Variants in ROBO2 observed in about 807,000 individuals in gnomAD.
The protein encoded by ROBO2 is roundabout guidance receptor 2.
Under a neutral mutation model 160.8 loss-of-function variants are expected in ROBO2, and 53 were observed. The observed-to-expected ratio is 0.33, with a 90% CI of 0.26 to 0.41. The LOEUF is 0.41. Ranked by LOEUF, ROBO2 falls within the 10% of genes least tolerant of loss-of-function variation. The probability of loss-of-function intolerance (pLI) is 1.00; values close to 1 mark genes in which losing one functional copy is unlikely to be tolerated. For synonymous variants in ROBO2, 664 were observed against 611.7 expected, an observed-to-expected ratio of 1.09 and a Z score of -1.26; for missense variants, 1,577 against 1,722.4, an observed-to-expected ratio of 0.92 and a Z score of 1.49.
chr3:76,194,553 ATAAAT>A (rs1295081966), intron 2 of ROBO2, among the ~76,000 whole-genome samples: 8 of 151,806 alleles, frequency 5.3e-5, no homozygotes, highest in Non-Finnish European at 5.9e-5. Context: ...AATAAACTCT[ATAAAT>A]TAAGACAAAA....
At chr3:76,358,813 G>A (rs932909786) in intron 2 of ROBO2, among the ~76,000 whole-genome samples, 35 of 151,650 alleles carry the variant, frequency 2.3e-4, no homozygotes, top group African/African-American at 6.1e-4. Flanking sequence ...GGGTACATGT[G>A]CACAATGTGA....
At chr3:77,389,549 C>T (rs2153498210) in intron 2 of ROBO2, among the ~76,000 whole-genome samples, 1 of 152,110 alleles carries the variant, frequency 6.6e-6, no homozygotes, top group African/African-American at 2.4e-5. Flanking sequence ...TGGGTTCAAG[C>T]CAATGTTGTT....
intron 2 of ROBO2, among the ~76,000 whole-genome samples, chr3:77,327,816 G>A (rs551572651): frequency 1.2e-4 from 18 of 152,136 alleles, no homozygotes; most frequent in African/African-American, 4.3e-4. Flanking sequence ...TTGGGAGGCC[G>A]AGGTGGGTCG....
chr3:77,194,259 A>C (rs13100107), intron 2 of ROBO2, among the ~76,000 whole-genome samples: 29,827 of 152,086 alleles, frequency 0.2, 3,372 homozygotes, highest in Middle Eastern at 0.31. Flanking sequence ...TCCACTGAAG[A>C]TCTCTTCTTG....
chr3:77,292,287 G>C (rs1560453282), intron 2 of ROBO2, among the ~76,000 whole-genome samples: 2 of 147,182 alleles, frequency 1.4e-5, no homozygotes, highest in African/African-American at 2.5e-5. Context: ...AGATCACCCA[G>C]ACATAAAGTA....
chr3:77,494,187 G>A (rs2086494185), intron 5 of ROBO2, among the ~76,000 whole-genome samples: 1 of 152,140 alleles, frequency 6.6e-6, no homozygotes, highest in African/African-American at 2.4e-5. Context: ...CTTCCTGCTA[G>A]TTCTACCTGC....
At chr3:76,009,882 T>G (rs2066143871) in intron 2 of ROBO2, among the ~76,000 whole-genome samples, 2 of 152,242 alleles carry the variant, frequency 1.3e-5, no homozygotes, top group African/African-American at 2.4e-5. Flanking sequence ...TTTTTTTCAC[T>G]TGAGTTATTT....
chr3:76,025,609 C>G (rs185727951), intron 2 of ROBO2, among the ~76,000 whole-genome samples: 87 of 151,756 alleles, frequency 5.7e-4, no homozygotes, highest in African/African-American at 2.1e-3. Context: ...CAATAAAACT[C>G]ACTATAGTAA....
intron 2 of ROBO2, among the ~76,000 whole-genome samples, chr3:76,011,094 G>A (rs977942495): frequency 1.3e-5 from 2 of 152,128 alleles, no homozygotes; most frequent in Non-Finnish European, 2.9e-5. Flanking sequence ...TTTTCTGTTA[G>A]CTATAAAATA....
At chr3:77,499,805 C>T (rs12107255) in intron 5 of ROBO2, among the ~76,000 whole-genome samples, 2,692 of 151,912 alleles carry the variant, frequency 0.018, 75 homozygotes, top group African/African-American at 0.059. Context: ...CCCACCACCA[C>T]GCCCAGCTAA....
chr3:76,792,914 C>G (rs905336075), intron 2 of ROBO2, among the ~76,000 whole-genome samples: 1 of 151,638 alleles, frequency 6.6e-6, no homozygotes, highest in Non-Finnish European at 1.5e-5. Flanking sequence ...GAGTTTACAA[C>G]ATATATATTT....
chr3:76,316,124 G>A (rs1169254722), intron 2 of ROBO2, among the ~76,000 whole-genome samples: 2 of 152,144 alleles, frequency 1.3e-5, no homozygotes, highest in African/African-American at 2.4e-5. Flanking sequence ...TCTATGTTCA[G>A]CGGTGCACGT....
chr3:76,756,044 G>A (rs543279401), intron 2 of ROBO2, among the ~76,000 whole-genome samples: 3 of 151,892 alleles, frequency 2.0e-5, no homozygotes, highest in Admixed American at 6.6e-5. Flanking sequence ...CTTTGAGTAT[G>A]TGGCAATTTT....
At chr3:76,316,226 C>T (rs2072011646) in intron 2 of ROBO2, among the ~76,000 whole-genome samples, 2 of 152,086 alleles carry the variant, frequency 1.3e-5, no homozygotes, top group Admixed American at 6.6e-5. Context: ...TTTCCCAATC[C>T]TAGTAAGCCT....
intron 2 of ROBO2, among the ~76,000 whole-genome samples, chr3:76,397,708 A>C (rs895011712): frequency 5.7e-4 from 86 of 152,212 alleles, no homozygotes; most frequent in African/African-American, 2.0e-3. Flanking sequence ...TATGTAGCCA[A>C]AAAACACATG....
intron 2 of ROBO2, among the ~76,000 whole-genome samples, chr3:76,444,343 A>T (rs1032428088): frequency 6.6e-6 from 1 of 152,160 alleles, no homozygotes; most frequent in Non-Finnish European, 1.5e-5. Flanking sequence ...AAAATCTAGT[A>T]ATCACAAGAT....
chr3:76,749,919 AAG>A (rs2093953957), intron 2 of ROBO2, among the ~76,000 whole-genome samples: 1 of 152,120 alleles, frequency 6.6e-6, no homozygotes, highest in Admixed American at 6.6e-5. Flanking sequence ...TCGACAGGAA[AAG>A]AGGGAATCCT....
intron 6 of ROBO2, among the ~76,000 whole-genome samples, chr3:77,543,340 G>A (rs147942078): frequency 1.6e-3 from 250 of 152,188 alleles, no homozygotes; most frequent in Non-Finnish European, 2.9e-3. Context: ...CCCATCTCCT[G>A]TACCAACCAG....
chr3:77,607,392 A>G (rs1312753806), intron 20 of ROBO2, among the ~76,000 whole-genome samples: 1 of 152,210 alleles, frequency 6.6e-6, no homozygotes, highest in Non-Finnish European at 1.5e-5. Flanking sequence ...AGTTTAGCCT[A>G]TATCCTTAGA....
Sources: allele counts gnomAD v4.1 joint callset (sites outside exome capture counted in the v4.1 genomes callset), GRCh38; gene constraint gnomAD v4.1.1; transcripts MANE v1.5; gene names NCBI Gene and HGNC (gene_info 2026-07-23, HGNC 2026-07-21).